The following ADGRL3 variants were observed in gnomAD, a reference collection of about 807,000 sequenced individuals.
ADGRL3 encodes the protein calcium-independent alpha-latrotoxin receptor 3.
A neutral mutation model predicts 153.5 loss-of-function variants in ADGRL3; 62 were observed. The ratio of observed to expected loss-of-function variants is 0.40; its 90% CI spans 0.33 to 0.50. ADGRL3 has a LOEUF of 0.50. Among genes scored for constraint, ADGRL3 ranks in the 20% least tolerant of loss-of-function variants. The pLI is 0.47. For synonymous variants in ADGRL3, 710 were observed against 672.5 expected, an observed-to-expected ratio of 1.06 and a Z score of -0.86; for missense variants, 1,641 against 1,859.4, an observed-to-expected ratio of 0.88 and a Z score of 2.16.
chr4:61,979,456 G>A, intron 17 of ADGRL3, 107 bp from the exon 18 acceptor site: 2 of 861,422 alleles, frequency 2.3e-6, no homozygotes, highest in Non-Finnish European at 3.9e-6. Flanking sequence ...GGTATAGAGG[G>A]TATTTTGTGC....
chr4:61,677,242 C>T, intron 6 of ADGRL3: 1 of 309,406 alleles, frequency 3.2e-6, no homozygotes. Context: ...ACCAATTCTC[C>T]AGGTCCAAGC....
intron 4 of ADGRL3, among the ~76,000 whole-genome samples, chr4:61,524,358 C>T (rs2098547727): frequency 1.3e-5 from 2 of 152,044 alleles, no homozygotes; most frequent in South Asian, 4.1e-4. Context: ...TACAGAAATG[C>T]AGAAATTTGG....
chr4:61,964,443 G>T (rs147073314), intron 17 of ADGRL3, among the ~76,000 whole-genome samples: 3 of 152,054 alleles, frequency 2.0e-5, no homozygotes, highest in Admixed American at 6.6e-5. Context: ...ATCTAATCAG[G>T]TAAACTTTTC....
intron 17 of ADGRL3, among the ~76,000 whole-genome samples, chr4:61,961,765 T>G (rs1317942928): frequency 5.9e-5 from 9 of 152,150 alleles, no homozygotes. Context: ...CTTCTTAAAT[T>G]CATGAAAGAA....
chr4:61,665,922 G>A (rs2094777589), intron 5 of ADGRL3, among the ~76,000 whole-genome samples: 2 of 152,130 alleles, frequency 1.3e-5, no homozygotes, highest in Admixed American at 1.3e-4. Context: ...TTCAGTCACT[G>A]GCATTTGTGA....
At chr4:61,917,489 A>T (rs747476518) in intron 13 of ADGRL3, among the ~76,000 whole-genome samples, 56 of 152,206 alleles carry the variant, frequency 3.7e-4, no homozygotes, top group Non-Finnish European at 7.5e-4. Flanking sequence ...TTAAGAGAAT[A>T]AAAAACCAGC....
chr4:61,333,070 T>A (rs1190382334), intron 1 of ADGRL3, among the ~76,000 whole-genome samples: 1 of 152,128 alleles, frequency 6.6e-6, no homozygotes, highest in Non-Finnish European at 1.5e-5. Flanking sequence ...CTCCTTACCA[T>A]TTTTATCTGT....
At chr4:61,400,552 A>G (rs2096917871) in intron 2 of ADGRL3, among the ~76,000 whole-genome samples, 1 of 151,850 alleles carries the variant, frequency 6.6e-6, no homozygotes, top group African/African-American at 2.4e-5. Context: ...ATGTGAGGCT[A>G]TAGTAGTCAC....
rs181431989 is a variant in ADGRL3, at chr4:61,523,019, A to G, written c.259+5501A>G. On this transcript the variant is annotated intron_variant, in intron 4 of 26. Transcript: ENST00000683033. ...CCTTATTCCTGACAGAACAATTTCT[A>G]TTCTCCTGATTTTGAATTTGACTGG... 2.6e-3 allele frequency among the ~76,000 whole-genome samples: 388 copies of G among 151,450 alleles called. 1 individual carries two copies. The highest frequency in any genetic ancestry group is 8.9e-3 in the African/African-American group (366 of 41,258).
At chr4:61,826,776 G>A in intron 9 of ADGRL3, among the ~76,000 whole-genome samples, 1 of 151,956 alleles carries the variant, frequency 6.6e-6, no homozygotes, top group Non-Finnish European at 1.5e-5. Context: ...ACAGGGTTGG[G>A]GGAGAGGGGA....
At chr4:61,551,662 T>G (rs1474225543) in intron 4 of ADGRL3, among the ~76,000 whole-genome samples, 1 of 152,156 alleles carries the variant, frequency 6.6e-6, no homozygotes, top group Non-Finnish European at 1.5e-5. Flanking sequence ...TGGGGTAATA[T>G]ACACAGATTA....
intron 5 of ADGRL3, among the ~76,000 whole-genome samples, chr4:61,624,382 G>A (rs1047257124): frequency 2.0e-5 from 3 of 152,012 alleles, no homozygotes; most frequent in African/African-American, 7.2e-5. Context: ...GCCATGAGAT[G>A]TATTCTGGAT....
chr4:61,251,711 A>G (rs1187684170), intron 1 of ADGRL3, among the ~76,000 whole-genome samples: 1 of 151,860 alleles, frequency 6.6e-6, no homozygotes, highest in East Asian at 1.9e-4. Context: ...GAGGCCTAAA[A>G]CTACTGTAAA....
At chr4:61,928,889 C>A (rs574631734) in intron 13 of ADGRL3, among the ~76,000 whole-genome samples, 1 of 152,080 alleles carries the variant, frequency 6.6e-6, no homozygotes, top group Non-Finnish European at 1.5e-5. Context: ...AAGTAACTTA[C>A]CTTTGTGTGA....
chr4:61,209,083 G>T (rs1560356644), intron 1 of ADGRL3, among the ~76,000 whole-genome samples: 1 of 151,962 alleles, frequency 6.6e-6, no homozygotes, highest in East Asian at 1.9e-4. Context: ...ATACATTTTG[G>T]GGGTATATTC....
At chr4:61,583,175 A>C (rs747878807) in intron 4 of ADGRL3, among the ~76,000 whole-genome samples, 10 of 152,020 alleles carry the variant, frequency 6.6e-5, no homozygotes, top group Non-Finnish European at 1.2e-4. Context: ...CCCTTCTATG[A>C]AAGCCCCTAG....
rs1578489547 is a variant in ADGRL3 at position 61,371,554 on chromosome 4, T to C, written c.-239-11570T>C. On this transcript the variant is annotated intron_variant, in intron 1 of 26. Transcript: ENST00000683033. ...TCTTTTCTTTAAGAATGTTGAATAT[T>C]GGCCCCCACTCTCTTCTGGCTTGTA... Among the ~76,000 whole-genome samples, 9 of 151,982 alleles carry C rather than the reference T, an allele frequency of 5.9e-5. No individual in the cohort carries two copies. The South Asian group carries it at 1.9e-3, about 31-fold the overall frequency.
At chr4:61,875,721 C>T (rs1355486046) in intron 9 of ADGRL3, among the ~76,000 whole-genome samples, 3 of 152,070 alleles carry the variant, frequency 2.0e-5, no homozygotes, top group Non-Finnish European at 4.4e-5. Flanking sequence ...TGTCTTCTTT[C>T]GAGGTCTACA....
chr4:61,895,503 C>T (rs1180855853), intron 10 of ADGRL3, among the ~76,000 whole-genome samples: 1 of 151,172 alleles, frequency 6.6e-6, no homozygotes, highest in Non-Finnish European at 1.5e-5. Flanking sequence ...TAATAATAGT[C>T]CCCATACCTA....
Sources: gnomAD v4.1 joint callset for allele counts (sites outside exome capture counted in the v4.1 genomes callset) on GRCh38, gnomAD v4.1.1 for gene constraint, MANE v1.5 for transcripts, NCBI Gene and HGNC (gene_info 2026-07-23, HGNC 2026-07-21) for gene names.